The following CGNL1 variants were observed in gnomAD, a reference collection of about 807,000 sequenced individuals.
The protein encoded by CGNL1 is cingulin-like protein 1.
Under a neutral mutation model 141.2 loss-of-function variants are expected in CGNL1, and 132 were observed. The observed-to-expected ratio is 0.93, with a 90% CI of 0.81 to 1.08. The LOEUF is 1.08. CGNL1 is among the 50% of genes least tolerant of loss of function. CGNL1 has a pLI of 0.00. For synonymous variants in CGNL1, 690 were observed against 622.1 expected (o/e 1.11, Z -1.63); for missense variants, 1,870 against 1,588.6 (o/e 1.18, Z -3.01).
intron 1 of CGNL1, among the ~76,000 whole-genome samples, chr15:57,416,457 TCTTC>T (rs1303593357): frequency 7.2e-5 from 11 of 152,276 alleles, no homozygotes; most frequent in African/African-American, 2.6e-4. Context: ...TGCATCCTGC[TCTTC>T]CTTCTACTTA....
At chr15:57,485,088 A>G (rs192306452) in intron 8 of CGNL1, among the ~76,000 whole-genome samples, 11 of 152,126 alleles carry the variant, frequency 7.2e-5, no homozygotes, top group Admixed American at 5.9e-4. Context: ...TCTAGTATCA[A>G]CATTTAATGC....
intron 14 of CGNL1, among the ~76,000 whole-genome samples, chr15:57,543,451 AC>A (rs1343937188): frequency 1.3e-5 from 2 of 152,096 alleles, no homozygotes; most frequent in Non-Finnish European, 2.9e-5. Context: ...ACACAGTTCA[AC>A]CCCTAACAGC....
At chr15:57,547,007 C>T (rs2032905519) in intron 18 of CGNL1, among the ~76,000 whole-genome samples, 1 of 152,200 alleles carries the variant, frequency 6.6e-6, no homozygotes, top group Non-Finnish European at 1.5e-5. Flanking sequence ...AGATAGATAA[C>T]ATTTTAATGC....
intron 8 of CGNL1, among the ~76,000 whole-genome samples, chr15:57,499,545 C>T (rs1280329362): frequency 2.6e-5 from 4 of 152,050 alleles, no homozygotes; most frequent in Admixed American, 2.6e-4. Context: ...GCCTACATGG[C>T]TTTTCTTATT....
intron 1 of CGNL1, among the ~76,000 whole-genome samples, chr15:57,386,495 T>C (rs147213240): frequency 1.8e-4 from 28 of 152,270 alleles, no homozygotes; most frequent in African/African-American, 6.7e-4. Context: ...ACGGGCATAG[T>C]AGGAGGCCCC....
intron 1 of CGNL1, among the ~76,000 whole-genome samples, chr15:57,393,612 A>G (rs1216064835): frequency 2.0e-5 from 3 of 152,204 alleles, no homozygotes; most frequent in African/African-American, 7.2e-5. Flanking sequence ...GATCCAAAGA[A>G]TCTGAGATCA....
chr15:57,423,021 A>G (rs530297985), intron 1 of CGNL1, among the ~76,000 whole-genome samples: 17 of 152,220 alleles, frequency 1.1e-4, no homozygotes, highest in Admixed American at 2.0e-4. Flanking sequence ...ATGAATGGCT[A>G]TGGGGGTTCT....
chr15:57,441,402 T>C (rs1457334828), intron 3 of CGNL1, among the ~76,000 whole-genome samples: 1 of 152,090 alleles, frequency 6.6e-6, no homozygotes, highest in Non-Finnish European at 1.5e-5. Flanking sequence ...AGAGTCTCAC[T>C]CTGTCATCCA....
chr15:57,383,990 A>G (rs1275135029), intron 1 of CGNL1, among the ~76,000 whole-genome samples: 2 of 124,608 alleles, frequency 1.6e-5, no homozygotes, highest in Admixed American at 1.1e-4. Context: ...GCTTAAATGC[A>G]TTTGGTCTGG....
At chr15:57,449,158 C>A (rs902685217) in intron 4 of CGNL1, among the ~76,000 whole-genome samples, 8 of 152,142 alleles carry the variant, frequency 5.3e-5, no homozygotes, top group Admixed American at 5.2e-4. Flanking sequence ...GGGTTCTTTG[C>A]CTCCTAATAG....
At chr15:57,414,225 C>G (rs2062824194) in intron 1 of CGNL1, among the ~76,000 whole-genome samples, 1 of 152,146 alleles carries the variant, frequency 6.6e-6, no homozygotes, top group African/African-American at 2.4e-5. Context: ...GCCCCTTCAT[C>G]CTTTGGGCTC....
chr15:57,454,632 C>G (rs895641339), intron 7 of CGNL1, among the ~76,000 whole-genome samples: 1 of 152,198 alleles, frequency 6.6e-6, no homozygotes, highest in Non-Finnish European at 1.5e-5. Context: ...CCATTTTTCA[C>G]ATTGGCAGAG....
intron 8 of CGNL1, among the ~76,000 whole-genome samples, chr15:57,473,811 C>A (rs1428480223): frequency 6.6e-6 from 1 of 151,536 alleles, no homozygotes; most frequent in East Asian, 2.0e-4. Context: ...TGACTATAAC[C>A]TTGACTAACA....
intron 7 of CGNL1, among the ~76,000 whole-genome samples, chr15:57,461,223 T>A (rs1406328551): frequency 6.6e-6 from 1 of 152,046 alleles, no homozygotes; most frequent in Non-Finnish European, 1.5e-5. Flanking sequence ...ACAGGCAAAG[T>A]TGTCCTGAGT....
chr15:57,465,978 G>C (rs1298617562), intron 8 of CGNL1, among the ~76,000 whole-genome samples: 1 of 152,236 alleles, frequency 6.6e-6, no homozygotes, highest in Non-Finnish European at 1.5e-5. Context: ...AGAACAGTTT[G>C]ATTGCTCAGT....
chr15:57,509,461 CTTG>C (rs1703590267), intron 8 of CGNL1, among the ~76,000 whole-genome samples: 1 of 152,346 alleles, frequency 6.6e-6, no homozygotes, highest in South Asian at 2.1e-4. Context: ...TATGTGGTTA[CTTG>C]TTGTCCATCA....
intron 8 of CGNL1, among the ~76,000 whole-genome samples, chr15:57,507,425 T>A (rs939549376): frequency 6.6e-6 from 1 of 152,202 alleles, no homozygotes; most frequent in Admixed American, 6.5e-5. Flanking sequence ...CTAGTTTTTT[T>A]AAAGGGAAGC....
At chr15:57,435,022 C>A (rs1244817055) in intron 1 of CGNL1, among the ~76,000 whole-genome samples, 1 of 151,940 alleles carries the variant, frequency 6.6e-6, no homozygotes, top group Non-Finnish European at 1.5e-5. Context: ...AAGAGGTCAC[C>A]AAATTACCTG....
At chr15:57,435,838 T>G (rs962150510) in intron 1 of CGNL1, among the ~76,000 whole-genome samples, 3 of 152,044 alleles carry the variant, frequency 2.0e-5, no homozygotes, top group African/African-American at 7.2e-5. Context: ...TGTTATCCCT[T>G]AAAATGGAGA....
Sources: gnomAD v4.1 joint callset for allele counts (sites outside exome capture counted in the v4.1 genomes callset) on GRCh38, gnomAD v4.1.1 for gene constraint, MANE v1.5 for transcripts, NCBI Gene and HGNC (gene_info 2026-07-23, HGNC 2026-07-21) for gene names.